ACVR1: variants seen among roughly 807,000 people sequenced by gnomAD.
ACVR1 encodes activin receptor type-1.
ACVR1 carries 38 observed loss-of-function variants against 57.1 expected under a neutral mutation model. That is an observed-to-expected ratio of 0.67 (90% CI 0.51 to 0.87). The LOEUF (loss-of-function observed/expected upper bound fraction) is 0.87, where lower values mean the gene tolerates loss of function less well. Ranked by LOEUF, ACVR1 falls within the 40% of genes least tolerant of loss-of-function variation. ACVR1 has a pLI of 0.00. For missense variants in ACVR1, 463 were observed against 638.2 expected, an observed-to-expected ratio of 0.73 and a Z score of 2.96; for synonymous variants, 212 against 228.1, an observed-to-expected ratio of 0.93 and a Z score of 0.63.
In ACVR1 at chr2:157,814,471, T is replaced by G. The variant is rs567880729; in HGVS notation, c.-8+3914A>C. The stretch of plus-strand genomic sequence containing the variant: ...TTGGCAAATAAATAAAATAATCACT[T>G]GGGAGTCATACTTGACAGGCAAGGG... On this transcript the variant is annotated intron_variant, in intron 2 of 10. Coordinates refer to ENST00000434821, the MANE Select transcript of ACVR1 (RefSeq NM_001111067.4). Among the ~76,000 whole-genome samples the G allele has an allele frequency of 3.3e-5, 5 of 152,312 alleles. No individual in the cohort carries two copies. In the South Asian group the frequency reaches 6.2e-4, roughly 19 times the overall value.
At chr2:157,811,820 A>G (rs1439195347) in intron 2 of ACVR1, among the ~76,000 whole-genome samples, 8 of 152,258 alleles carry the variant, frequency 5.3e-5, no homozygotes, top group Admixed American at 4.6e-4. Flanking sequence ...AAGAAGGAGA[A>G]TGGAAATAGA....
chr2:157,876,303 T>TGCGGCGGCGGCG lies in ACVR1; in HGVS notation c.-702_-691dup, dbSNP rs564072145. Among the ~76,000 whole-genome samples, 2 of 132,930 alleles carry TGCGGCGGCGGCG rather than the reference T, an allele frequency of 1.5e-5. No homozygotes were observed. The highest frequency in any genetic ancestry group is 1.6e-5 in the Non-Finnish European group (1 of 61,112). The allele number at this position is 132,930 out of a possible 152,430, so 87.2% of individuals were successfully genotyped here. Reference sequence around the variant, plus strand: ...GTTCCCCCTGCGCCGAGGGGGAGGCTGCGGCGGCGGCGGCGGCTGCAAAGA... The same window carrying TGCGGCGGCGGCG: ...GTTCCCCCTGCGCCGAGGGGGAGGCTGCGGCGGCGGCGGCGGCGGCGGCGGCGGCTGCAAAGA... On this transcript the variant is annotated 5_prime_UTR_variant, in exon 1 of 11. Coordinates refer to ENST00000434821, the MANE Select transcript of ACVR1 (RefSeq NM_001111067.4).
chr2:157,793,732 C>T (rs1196113723), intron 3 of ACVR1, among the ~76,000 whole-genome samples: 2 of 152,150 alleles, frequency 1.3e-5, no homozygotes, highest in Non-Finnish European at 2.9e-5. Context: ...CATTCATTCA[C>T]CCCTTCAAGA....
chr2:157,869,609 T>C (rs1003694108), intron 1 of ACVR1, among the ~76,000 whole-genome samples: 3 of 152,256 alleles, frequency 2.0e-5, no homozygotes, highest in Non-Finnish European at 4.4e-5. Flanking sequence ...CAGGTCATGA[T>C]ATAAAATGTA....
At chr2:157,837,436 G>A (rs1688821006) in intron 1 of ACVR1, among the ~76,000 whole-genome samples, 1 of 152,082 alleles carries the variant, frequency 6.6e-6, no homozygotes, top group Non-Finnish European at 1.5e-5. Context: ...AGCTGACTAA[G>A]GCAAGCCTTT....
intron 9 of ACVR1, among the ~76,000 whole-genome samples, chr2:157,751,627 G>T (rs904025606): frequency 3.3e-5 from 5 of 152,220 alleles, no homozygotes; most frequent in Non-Finnish European, 5.9e-5. Flanking sequence ...AGCACAGTGG[G>T]AGTGAGACAG....
At chr2:157,836,490 T>C (rs1358833803) in intron 1 of ACVR1, among the ~76,000 whole-genome samples, 3 of 152,182 alleles carry the variant, frequency 2.0e-5, no homozygotes, top group Non-Finnish European at 4.4e-5. Context: ...CACCACCTTA[T>C]ATCTGCACAC....
At chr2:157,752,693 C>T (rs994502223) in intron 9 of ACVR1, among the ~76,000 whole-genome samples, 4 of 152,088 alleles carry the variant, frequency 2.6e-5, no homozygotes, top group East Asian at 3.9e-4. Context: ...TCCCTTGAAA[C>T]GAAGATTGAT....
intron 9 of ACVR1, among the ~76,000 whole-genome samples, chr2:157,738,782 G>A (rs1684638445): frequency 6.6e-6 from 1 of 152,220 alleles, no homozygotes; most frequent in East Asian, 1.9e-4. Context: ...ATTGGAAGAA[G>A]GATAATTGTT....
intron 7 of ACVR1, 126 bp downstream of exon 7, chr2:157,770,242 C>A: frequency 1.0e-6 from 1 of 1,003,322 alleles, no homozygotes; most frequent in South Asian, 1.4e-5. Flanking sequence ...CATATAAATG[C>A]TAAGGATCCC....
intron 6 of ACVR1, among the ~76,000 whole-genome samples, chr2:157,772,199 A>G (rs566898350): frequency 1.3e-5 from 2 of 152,202 alleles, no homozygotes; most frequent in African/African-American, 4.8e-5. Flanking sequence ...CAAATTCATC[A>G]TTATGCAGAA....
rs1352061373 is a variant in ACVR1 at position 157,876,187 on chromosome 2, C to T, written c.-574G>A. 2.8e-5 allele frequency among the ~76,000 whole-genome samples: 4 copies of T among 141,682 alleles called. No individual in the cohort carries two copies. Among genetic ancestry groups the T allele is most frequent in the Admixed American group, 6.9e-5 (1 of 14,426 alleles). 92.9% of individuals were successfully genotyped at this position (141,682 alleles called of 152,430 possible). A position where few individuals can be genotyped will look rare whatever the true frequency, so the allele number is the denominator to read the frequency against. On this transcript the variant is annotated 5_prime_UTR_variant, in exon 1 of 11. Coordinates refer to ENST00000434821, the MANE Select transcript of ACVR1 (RefSeq NM_001111067.4). The stretch of plus-strand genomic sequence containing the variant: ...ATAAACTTCCCGAGGCGCAGAGGCT[C>T]GGGCTGGGAGCACGACCGCGGGCGG...
chr2:157,875,351 G>T (rs1410269066), intron 1 of ACVR1, among the ~76,000 whole-genome samples: 1 of 152,150 alleles, frequency 6.6e-6, no homozygotes, highest in East Asian at 1.9e-4. Flanking sequence ...TCTTGGAAGA[G>T]ATGGATATTT....
intron 7 of ACVR1, among the ~76,000 whole-genome samples, chr2:157,769,011 G>A (rs2105264679): frequency 6.6e-6 from 1 of 152,324 alleles, no homozygotes; most frequent in South Asian, 2.1e-4. Flanking sequence ...TACAAAGTCG[G>A]GGAATGCAGA....
intron 1 of ACVR1, among the ~76,000 whole-genome samples, chr2:157,850,423 TAC>T (rs1304021554): frequency 6.7e-6 from 1 of 149,928 alleles, no homozygotes; most frequent in East Asian, 2.0e-4. Flanking sequence ...GCCAACAGAC[TAC>T]ATAGACTCAG....
At chr2:157,825,205 C>T (rs1263838425) in intron 1 of ACVR1, among the ~76,000 whole-genome samples, 2 of 152,166 alleles carry the variant, frequency 1.3e-5, no homozygotes, top group Non-Finnish European at 2.9e-5. Context: ...ACACAGGAGG[C>T]CTTTCTATAA....
intron 3 of ACVR1, among the ~76,000 whole-genome samples, chr2:157,783,268 G>A (rs1343899152): frequency 2.0e-5 from 3 of 152,194 alleles, no homozygotes; most frequent in Admixed American, 2.0e-4. Context: ...TAAATTCTAA[G>A]TACACAGATG....
intron 9 of ACVR1, among the ~76,000 whole-genome samples, chr2:157,753,806 C>T (rs553344428): frequency 1.3e-5 from 2 of 152,264 alleles, no homozygotes; most frequent in African/African-American, 4.8e-5. Context: ...ACAGAATATA[C>T]ATTCTATTTA....
intron 9 of ACVR1, among the ~76,000 whole-genome samples, chr2:157,757,329 T>C (rs754602130): frequency 4.2e-4 from 64 of 151,402 alleles, no homozygotes; most frequent in Admixed American, 1.1e-3. Context: ...CTTATCCCTA[T>C]CCCCCAAAAA....
Sources: allele counts gnomAD v4.1 joint callset (sites outside exome capture counted in the v4.1 genomes callset), GRCh38; gene constraint gnomAD v4.1.1; transcripts MANE v1.5; gene names NCBI Gene and HGNC (gene_info 2026-07-23, HGNC 2026-07-21).